The following ROBO2 variants were observed in gnomAD, a reference collection of about 807,000 sequenced individuals.
ROBO2 encodes roundabout homolog 2.
Under a neutral mutation model 160.8 loss-of-function variants are expected in ROBO2, and 53 were observed. That is an observed-to-expected ratio of 0.33 (90% CI 0.26 to 0.41). ROBO2 has a LOEUF of 0.41. Among genes scored for constraint, ROBO2 ranks in the 10% least tolerant of loss-of-function variants. The probability of loss-of-function intolerance (pLI) is 1.00; values close to 1 mark genes in which losing one functional copy is unlikely to be tolerated. For synonymous variants in ROBO2, 664 were observed against 611.7 expected (o/e 1.09, Z -1.26); for missense variants, 1,577 against 1,722.4 (o/e 0.92, Z 1.49).
intron 2 of ROBO2, among the ~76,000 whole-genome samples, chr3:76,475,145 T>G (rs917941293): frequency 7.2e-5 from 11 of 151,758 alleles, no homozygotes; most frequent in Non-Finnish European, 4.4e-5. Context: ...AGATGATAGT[T>G]CAAATAGGGT....
intron 2 of ROBO2, among the ~76,000 whole-genome samples, chr3:75,958,560 G>A (rs1466662567): frequency 6.6e-6 from 1 of 151,658 alleles, no homozygotes; most frequent in Non-Finnish European, 1.5e-5. Flanking sequence ...GAAGGGCTGA[G>A]GATTTCAAGC....
rs571605928 is a variant in ROBO2 at position 76,015,447 on chromosome 3, A to G, written c.109+77845A>G. 4.0e-4 allele frequency among the ~76,000 whole-genome samples: 33 copies of G among 82,550 alleles called. 1 individual carries two copies. In the South Asian group the frequency reaches 4.6e-3, roughly 11 times the overall value. 54.2% of individuals were successfully genotyped at this position (82,550 alleles called of 152,430 possible). On this transcript the variant is annotated intron_variant, in intron 2 of 26. Coordinates refer to the ROBO2 transcript ENST00000487694. ...AGTTTATTCCCTAGAGATATTTGCA[A>G]TTCCTCCATAATAAAGTGACAGAAT...
intron 2 of ROBO2, among the ~76,000 whole-genome samples, chr3:76,496,699 C>T (rs1012130428): frequency 6.6e-6 from 1 of 152,140 alleles, no homozygotes; most frequent in Non-Finnish European, 1.5e-5. Context: ...CTCATCCAAC[C>T]GCTAAAGTCC....
At chr3:77,468,994 G>A (rs138642832) in intron 2 of ROBO2, among the ~76,000 whole-genome samples, 89 of 152,270 alleles carry the variant, frequency 5.8e-4, no homozygotes, top group Middle Eastern at 3.4e-3. Flanking sequence ...ATGTTCAGAT[G>A]TTATTGTCTA....
intron 2 of ROBO2, among the ~76,000 whole-genome samples, chr3:76,103,017 G>A (rs2069764005): frequency 6.6e-6 from 1 of 151,966 alleles, no homozygotes; most frequent in South Asian, 2.1e-4. Flanking sequence ...TAGAGTCGGG[G>A]TTTCACCATG....
At chr3:76,571,747 CTGAT>C (rs561028307) in intron 2 of ROBO2, among the ~76,000 whole-genome samples, 181 of 152,132 alleles carry the variant, frequency 1.2e-3, no homozygotes, top group African/African-American at 4.2e-3. Context: ...TAATTTCTAG[CTGAT>C]TTCTCCATTT....
chr3:76,984,928 T>C (rs762797109), intron 2 of ROBO2, among the ~76,000 whole-genome samples: 2 of 152,132 alleles, frequency 1.3e-5, no homozygotes, highest in Non-Finnish European at 2.9e-5. Context: ...TTTACAGCAA[T>C]AAAACCTGAA....
At chr3:75,961,743 A>G (rs1328209082) in intron 2 of ROBO2, among the ~76,000 whole-genome samples, 1 of 151,708 alleles carries the variant, frequency 6.6e-6, no homozygotes, top group Admixed American at 6.6e-5. Context: ...AGAAACAAAA[A>G]ATATTGTATT....
intron 2 of ROBO2, among the ~76,000 whole-genome samples, chr3:76,445,576 GAC>G (rs1359589564): frequency 1.3e-5 from 2 of 151,978 alleles, no homozygotes; most frequent in Non-Finnish European, 2.9e-5. Flanking sequence ...GCCTGGCAGA[GAC>G]ACAACGAAAA....
At chr3:77,318,371 T>A (rs547528637) in intron 2 of ROBO2, among the ~76,000 whole-genome samples, 1 of 152,320 alleles carries the variant, frequency 6.6e-6, no homozygotes, top group Non-Finnish European at 1.5e-5. Context: ...TTATGTACTC[T>A]TCCAATTCTC....
At chr3:76,405,604 G>A (rs567826768) in intron 2 of ROBO2, among the ~76,000 whole-genome samples, 4 of 151,722 alleles carry the variant, frequency 2.6e-5, no homozygotes, top group South Asian at 4.1e-4. Context: ...AGGTAGTCCC[G>A]GTTACTTATA....
intron 2 of ROBO2, among the ~76,000 whole-genome samples, chr3:76,579,157 A>G (rs1355330320): frequency 6.6e-6 from 1 of 152,126 alleles, no homozygotes; most frequent in Non-Finnish European, 1.5e-5. Context: ...CTCCACAAAC[A>G]GCCATCTTTT....
chr3:76,161,705 A>G (rs775185744), intron 2 of ROBO2, among the ~76,000 whole-genome samples: 29 of 152,134 alleles, frequency 1.9e-4, no homozygotes, highest in South Asian at 4.1e-4. Context: ...ATTGCAGCAT[A>G]CAAGTTTTCC....
chr3:76,388,477 T>C (rs1187756772), intron 2 of ROBO2, among the ~76,000 whole-genome samples: 4 of 152,234 alleles, frequency 2.6e-5, no homozygotes, highest in Non-Finnish European at 5.9e-5. Flanking sequence ...TCCACCGTGT[T>C]AGCCAGGATG....
At chr3:77,139,266 TGA>T (rs2076517625) in intron 2 of ROBO2, among the ~76,000 whole-genome samples, 1 of 152,222 alleles carries the variant, frequency 6.6e-6, no homozygotes, top group Non-Finnish European at 1.5e-5. Flanking sequence ...AGTAATTTTC[TGA>T]TGTTGAAAAC....
chr3:76,333,074 C>T lies in ROBO2; in HGVS notation c.109+395472C>T, dbSNP rs542339821. 3.9e-5 allele frequency among the ~76,000 whole-genome samples: 6 copies of T among 152,282 alleles called. No homozygotes were observed. The South Asian group carries it at 1.2e-3, about 32-fold the overall frequency. ...TGTTGCTGCAGGCCCTGGAGCCACA[C>T]CTTGAGAACGCCTAGTATATGTAAA... On this transcript the variant is annotated intron_variant, in intron 2 of 26. Transcript: ENST00000487694.
At chr3:76,163,154 A>G (rs2106934297) in intron 2 of ROBO2, among the ~76,000 whole-genome samples, 1 of 152,188 alleles carries the variant, frequency 6.6e-6, no homozygotes, top group East Asian at 1.9e-4. Context: ...GTTGCATCTG[A>G]TAACTTTGCC....
chr3:77,486,995 G>A (rs17015294), intron 4 of ROBO2, among the ~76,000 whole-genome samples: 52,744 of 151,964 alleles, frequency 0.35, 9,365 homozygotes, highest in Admixed American at 0.44. Context: ...TTCACAGTAC[G>A]ATGTTCAGAT....
At chr3:76,831,181 A>G (rs2109318126) in intron 2 of ROBO2, among the ~76,000 whole-genome samples, 1 of 152,286 alleles carries the variant, frequency 6.6e-6, no homozygotes, top group African/African-American at 2.4e-5. Flanking sequence ...TTGTACATCT[A>G]GAAGCATCCT....
Sources: gnomAD v4.1 joint callset for allele counts (sites outside exome capture counted in the v4.1 genomes callset) on GRCh38, gnomAD v4.1.1 for gene constraint, MANE v1.5 for transcripts, NCBI Gene and HGNC (gene_info 2026-07-23, HGNC 2026-07-21) for gene names.